UROS: variants seen among roughly 807,000 people sequenced by gnomAD.
The protein encoded by UROS is uroporphyrinogen-III synthase.
In UROS, 18 loss-of-function variants were observed where a neutral mutation model predicts 33.0. The ratio of observed to expected loss-of-function variants is 0.55; its 90% CI spans 0.38 to 0.81. UROS has a LOEUF of 0.81. Among genes scored for constraint, UROS ranks in the 30% least tolerant of loss-of-function variants. The probability of loss-of-function intolerance (pLI) is 0.00; values close to 1 mark genes in which losing one functional copy is unlikely to be tolerated. For missense variants in UROS, 293 were observed against 314.9 expected (o/e 0.93, Z 0.53); for synonymous variants, 114 against 121.1 (o/e 0.94, Z 0.38).
intron 4 of UROS, 49 bp from the exon 5 acceptor site, chr10:125,812,337 T>G (rs1001820361): frequency 6.4e-7 from 1 of 1,560,636 alleles, no homozygotes; most frequent in Non-Finnish European, 8.8e-7. Context: ...AAGTGGCCAT[T>G]TGGACTGTTG....
chr10:125,792,295 A>G (rs1850996105), intron 9 of UROS: 1 of 152,192 alleles, frequency 6.6e-6, no homozygotes, highest in Non-Finnish European at 1.5e-5. Context: ...TCCTGTGTCA[A>G]TGAATGCTCA....
At chr10:125,788,493 G>C, downstream of UROS, 1 of 1,087,186 alleles carries the variant, frequency 9.2e-7, no homozygotes. Flanking sequence ...ATTCATAGCA[G>C]GTTTGTGGGT....
At chr10:125,821,889 G>A (rs1853943271) in intron 1 of UROS, among the ~76,000 whole-genome samples, 1 of 152,106 alleles carries the variant, frequency 6.6e-6, no homozygotes, top group African/African-American at 2.4e-5. Flanking sequence ...TAATATCCAT[G>A]ACATGGCTGG....
chr10:125,822,110 G>C (rs2133985269), intron 1 of UROS, among the ~76,000 whole-genome samples: 1 of 152,226 alleles, frequency 6.6e-6, no homozygotes, highest in South Asian at 2.1e-4. Context: ...TCATTTTACA[G>C]AGAAAAATCA....
Position 125,788,690 on chromosome 10 carries a change from C to T in UROS, c.*178G>A, listed in dbSNP as rs569628154. The T allele has an allele frequency of 9.2e-4, 1,318 of 1,431,570 alleles. 3 individuals are homozygous for T. The highest frequency in any genetic ancestry group is 1.5e-3 in the Middle Eastern group (6 of 3,878). The allele number at this position is 1,431,570 out of a possible 1,614,324, so 88.7% of individuals were successfully genotyped here. A position where few individuals can be genotyped will look rare whatever the true frequency, so the allele number is the denominator to read the frequency against. On this transcript the variant is annotated 3_prime_UTR_variant, in exon 10 of 10. Transcript: ENST00000368797. The stretch of plus-strand genomic sequence containing the variant: ...CTTCCACAGAGGGCAGTCACGTGCA[C>T]GTGGGCCTGAGGCCAGCCCCAGGTC...
Position 125,816,882 on chromosome 10 carries a change from T to C in UROS, c.-26-357A>G, listed in dbSNP as rs529723830. ...GTATCTTATGTTTTAAGGAGATAAA[T>C]AGCTTTTCCATTTCAAGATAAATAT... On this transcript the variant is annotated intron_variant, in intron 1 of 9. Coordinates refer to ENST00000368797, the MANE Select transcript of UROS (RefSeq NM_000375.3). Among the ~76,000 whole-genome samples the C allele has an allele frequency of 6.6e-5, 10 of 152,348 alleles. No homozygotes were observed. The South Asian group carries it at 8.3e-4, about 13-fold the overall frequency.
intron 1 of UROS, 72 bp downstream of exon 1, chr10:125,822,957 C>G (rs1389692470): frequency 6.6e-6 from 1 of 152,368 alleles, no homozygotes; most frequent in African/African-American, 2.4e-5. Context: ...TGTCACACAC[C>G]GCCCGGGGCC....
At chr10:125,788,461 T>C (rs1850696561), downstream of UROS, 1 of 901,520 alleles carries the variant, frequency 1.1e-6, no homozygotes, top group African/African-American at 1.8e-5. Flanking sequence ...ATAAACCTAC[T>C]TTATATAGAG....
At chr10:125,801,100 C>T (rs1851810595) in intron 6 of UROS, among the ~76,000 whole-genome samples, 1 of 152,178 alleles carries the variant, frequency 6.6e-6, no homozygotes, top group South Asian at 2.1e-4. Flanking sequence ...CTCTCGGGCA[C>T]TGCCATGAGA....
At chr10:125,789,379 A>C (rs1435377894) in intron 9 of UROS, 1 of 1,178,088 alleles carries the variant, frequency 8.5e-7, no homozygotes, top group East Asian at 5.5e-5. Flanking sequence ...CAAGGGGAGG[A>C]TGGTGTGGCA....
intron 1 of UROS, among the ~76,000 whole-genome samples, chr10:125,820,040 T>C (rs867768012): frequency 6.6e-5 from 10 of 152,304 alleles, no homozygotes; most frequent in Middle Eastern, 6.8e-3. Context: ...CTCAAACCCG[T>C]ACCTTCTATG....
At position 125,796,084 on chromosome 10, in the gene UROS, G is replaced by A. The variant is rs2281954; in HGVS notation, c.561+19C>T. ...CCTGGGCACCCACCCTGCCAGAACC[G>A]CCCCCAAACGCCACGTACCTGCTGG... On this transcript the variant is annotated intron_variant, in intron 8 of 9. Coordinates refer to ENST00000368797, the MANE Select transcript of UROS (RefSeq NM_000375.3). 0.45 allele frequency: 721,932 copies of A among 1,612,814 alleles called. 163,886 individuals are homozygous for A. The highest frequency in any genetic ancestry group is 0.47 in the Non-Finnish European group (554,687 of 1,179,242).
intron 5 of UROS, among the ~76,000 whole-genome samples, chr10:125,808,382 CA>C (rs57007999): frequency 0.45 from 68,229 of 152,064 alleles, 15,531 homozygotes; most frequent in African/African-American, 0.48. Context: ...CATGCTGAAT[CA>C]AAAGAAAAAT....
intron 6 of UROS, chr10:125,802,893 T>G: frequency 1.3e-6 from 2 of 1,587,592 alleles, no homozygotes; most frequent in Non-Finnish European, 1.7e-6. Flanking sequence ...GGCCTCACCC[T>G]CAGGGGCTTT....
chr10:125,816,301 T>C (rs1209551395), intron 2 of UROS, 41 bp from the exon 3 acceptor site: 4 of 1,609,150 alleles, frequency 2.5e-6, no homozygotes, highest in Non-Finnish European at 3.4e-6. Context: ...CTAGGGCTGT[T>C]TTTAAAATAA....
chr10:125,819,680 C>T (rs942568496), intron 1 of UROS: 1 of 152,680 alleles, frequency 6.5e-6, no homozygotes, highest in Non-Finnish European at 1.5e-5. Flanking sequence ...ACTATATGGC[C>T]CTCCTTGATA....
chr10:125,791,449 A>T (rs896271003), intron 9 of UROS: 6 of 152,234 alleles, frequency 3.9e-5, no homozygotes, highest in Non-Finnish European at 7.3e-5. Flanking sequence ...CGTTAAAGTT[A>T]CCTTAGATCT....
At chr10:125,796,045 C>G in intron 8 of UROS, 58 bp downstream of exon 8, 1 of 1,502,396 alleles carries the variant, frequency 6.7e-7, no homozygotes, top group Non-Finnish European at 9.3e-7. Flanking sequence ...TGCCCTTCAC[C>G]CTCTGCTTCC....
At chr10:125,795,840 G>C (rs1377781474) in intron 8 of UROS, among the ~76,000 whole-genome samples, 1 of 152,138 alleles carries the variant, frequency 6.6e-6, no homozygotes, top group Non-Finnish European at 1.5e-5. Flanking sequence ...AGATTTCATA[G>C]ACCACCTACT....
Sources: allele counts gnomAD v4.1 joint callset (sites outside exome capture counted in the v4.1 genomes callset), GRCh38; gene constraint gnomAD v4.1.1; transcripts MANE v1.5; gene names NCBI Gene and HGNC (gene_info 2026-07-23, HGNC 2026-07-21).